NEK10: variants seen among roughly 807,000 people sequenced by gnomAD.
The protein encoded by NEK10 is serine/threonine-protein kinase Nek10.
Under a neutral mutation model 159.8 loss-of-function variants are expected in NEK10, and 122 were observed. The ratio of observed to expected loss-of-function variants is 0.76; its 90% CI spans 0.66 to 0.89. NEK10 has a LOEUF of 0.89. Ranked by LOEUF, NEK10 falls within the 40% of genes least tolerant of loss-of-function variation. NEK10 has a pLI of 0.00. For missense variants in NEK10, 1,342 were observed against 1,323.1 expected (o/e 1.01, Z -0.22); for synonymous variants, 466 against 457.1 (o/e 1.02, Z -0.25).
intron 23 of NEK10, among the ~76,000 whole-genome samples, chr3:27,253,263 G>C (rs1955846177): frequency 6.6e-6 from 1 of 152,002 alleles, no homozygotes; most frequent in African/African-American, 2.4e-5. Flanking sequence ...CATCATACTA[G>C]CTTCATAAAT....
intron 1 of NEK10, among the ~76,000 whole-genome samples, chr3:27,360,490 G>A (rs2048609613): frequency 6.6e-6 from 1 of 152,178 alleles, no homozygotes; most frequent in Non-Finnish European, 1.5e-5. Flanking sequence ...GACCCAGAGA[G>A]GAAAAATGTG....
intron 22 of NEK10, among the ~76,000 whole-genome samples, chr3:27,261,231 G>T (rs1312706846): frequency 6.6e-6 from 1 of 151,986 alleles, no homozygotes; most frequent in Non-Finnish European, 1.5e-5. Flanking sequence ...CTTCAGTTCT[G>T]CTCTGATCTT....
At chr3:27,361,964 T>G (rs77333215) in intron 1 of NEK10, among the ~76,000 whole-genome samples, 15 of 152,104 alleles carry the variant, frequency 9.9e-5, no homozygotes, top group African/African-American at 3.6e-4. Context: ...GTAAAGCATA[T>G]GAAATTGCTG....
At chr3:27,322,593 G>T (rs776352656) in intron 5 of NEK10, among the ~76,000 whole-genome samples, 2 of 152,030 alleles carry the variant, frequency 1.3e-5, no homozygotes, top group Admixed American at 1.3e-4. Context: ...AAGAATTTAC[G>T]CCATAACCAA....
At chr3:27,215,828 C>A (rs368710964) in intron 23 of NEK10, 1 of 717,536 alleles carries the variant, frequency 1.4e-6, no homozygotes, top group East Asian at 2.7e-5. Flanking sequence ...GGAGCCAGCA[C>A]GTTTTATGTG....
intron 23 of NEK10, among the ~76,000 whole-genome samples, chr3:27,236,202 C>T (rs888434615): frequency 2.0e-5 from 3 of 151,952 alleles, no homozygotes; most frequent in Admixed American, 6.6e-5. Flanking sequence ...CTAATGGATG[C>T]TAAGTTTAAT....
At chr3:27,193,518 A>C (rs934154325) in intron 25 of NEK10, among the ~76,000 whole-genome samples, 1 of 150,846 alleles carries the variant, frequency 6.6e-6, no homozygotes, top group Non-Finnish European at 1.5e-5. Context: ...CAACACATCC[A>C]ATGCGGCTAC....
intron 23 of NEK10, chr3:27,215,102 A>G: frequency 2.2e-6 from 1 of 464,672 alleles, no homozygotes; most frequent in Non-Finnish European, 4.0e-6. Context: ...TATTTTCTTT[A>G]AAAGCATTAC....
intron 23 of NEK10, among the ~76,000 whole-genome samples, chr3:27,233,966 T>A (rs2166215): frequency 0.26 from 40,228 of 151,886 alleles, 5,476 homozygotes; most frequent in Middle Eastern, 0.38. Context: ...TGGTTCAACA[T>A]ACGCAAATCA....
chr3:27,265,371 G>A (rs910132445), intron 22 of NEK10, among the ~76,000 whole-genome samples: 12 of 152,138 alleles, frequency 7.9e-5, no homozygotes, highest in Admixed American at 7.2e-4. Flanking sequence ...AAGTCAAAAT[G>A]TTTTCCAGTT....
chr3:27,287,973 A>T (rs886677589), intron 19 of NEK10, among the ~76,000 whole-genome samples: 5 of 152,240 alleles, frequency 3.3e-5, no homozygotes, highest in Admixed American at 1.3e-4. Context: ...AAATAAAATT[A>T]AAAACGTTCT....
intron 23 of NEK10, among the ~76,000 whole-genome samples, chr3:27,247,738 T>C (rs909347651): frequency 4.6e-5 from 7 of 151,988 alleles, no homozygotes; most frequent in African/African-American, 1.4e-4. Flanking sequence ...GGTTTCGCCA[T>C]GTTGCCCAGG....
intron 20 of NEK10, among the ~76,000 whole-genome samples, chr3:27,285,430 A>G (rs972552663): frequency 6.6e-6 from 1 of 152,116 alleles, no homozygotes; most frequent in Non-Finnish European, 1.5e-5. Context: ...TACCTTACAG[A>G]ATTTTACACT....
chr3:27,324,660 C>T (rs1182388535), intron 5 of NEK10, among the ~76,000 whole-genome samples: 1 of 152,152 alleles, frequency 6.6e-6, no homozygotes, highest in Non-Finnish European at 1.5e-5. Context: ...AGCCTCCTAT[C>T]TGGCATCTTT....
At chr3:27,200,155 T>A (rs1255266182) in intron 25 of NEK10, among the ~76,000 whole-genome samples, 1 of 152,160 alleles carries the variant, frequency 6.6e-6, no homozygotes, top group Non-Finnish European at 1.5e-5. Context: ...TAGATTAGTA[T>A]TGTGCCAAAG....
intron 3 of NEK10, among the ~76,000 whole-genome samples, chr3:27,350,684 G>T (rs2047906144): frequency 1.3e-5 from 2 of 152,106 alleles, no homozygotes; most frequent in South Asian, 4.2e-4. Context: ...ACAACAGATT[G>T]CAAATTTGAA....
chr3:27,267,213 A>C (rs760009564), intron 22 of NEK10, among the ~76,000 whole-genome samples: 1 of 152,188 alleles, frequency 6.6e-6, no homozygotes, highest in Non-Finnish European at 1.5e-5. Flanking sequence ...AATTTCTGCC[A>C]TCTGTGGGCT....
At chr3:27,270,033 G>T (rs973631989) in intron 22 of NEK10, among the ~76,000 whole-genome samples, 1 of 152,154 alleles carries the variant, frequency 6.6e-6, no homozygotes, top group Non-Finnish European at 1.5e-5. Context: ...CTCCCTTCAG[G>T]AGGTGAATCT....
chr3:27,116,081 C>A lies in NEK10; in HGVS notation c.3237G>T (p.Gln1079His), dbSNP rs1940381284. 6.2e-7 allele frequency: 1 copy of A among 1,613,454 alleles called. No homozygotes were observed. The highest frequency in any genetic ancestry group is 8.5e-7 in the Non-Finnish European group (1 of 1,179,700). The change falls in exon 34 of 36, where the codon CAG becomes CAT. Residue 1079 changes from glutamine (Q) to histidine (H), a missense_variant. Transcript: ENST00000691995. The part of the protein sequence containing the change: ...IELEEGITYE[Q>H]MQTVIEEVLE... ...GACACTGCAAAAACCTCACCTGCAT[C>A]TGTTCATATGTTATTCCTTCCTCCA...
Sources: allele counts gnomAD v4.1 joint callset (sites outside exome capture counted in the v4.1 genomes callset), GRCh38; gene constraint gnomAD v4.1.1; transcripts MANE v1.5; gene names NCBI Gene and HGNC (gene_info 2026-07-23, HGNC 2026-07-21).